The following CCDC172 variants were observed in gnomAD, a reference collection of about 807,000 sequenced individuals.
CCDC172 encodes the protein coiled-coil domain containing 172, also known as coiled-coil domain-containing protein 172.
In CCDC172, 30 loss-of-function variants were observed where a neutral mutation model predicts 38.0. The observed-to-expected ratio is 0.79, with a 90% CI of 0.59 to 1.07. CCDC172 has a LOEUF of 1.07. Among genes scored for constraint, CCDC172 ranks in the 50% least tolerant of loss-of-function variants. The pLI, the probability that CCDC172 is intolerant of heterozygous loss-of-function variation, is 0.00. For synonymous variants in CCDC172, 78 were observed against 88.3 expected, an observed-to-expected ratio of 0.88 and a Z score of 0.66; for missense variants, 297 against 290.1, an observed-to-expected ratio of 1.02 and a Z score of -0.17.
rs12254317 is a variant in CCDC172, at chr10:116,379,427, T to C, written c.*69T>C. 0.08 allele frequency: 82,574 copies of C among 1,035,244 alleles called. 4,673 individuals are homozygous for C. Among genetic ancestry groups the C allele is most frequent in the African/African-American group, 0.26 (16,343 of 61,714 alleles). 64.1% of individuals were successfully genotyped at this position (1,035,244 alleles called of 1,614,324 possible). ...CTGAGAATCAAATCTTTGTGATAGATATATGAATGGTACCCGTTACAACGG... is the reference window on the plus strand; with the variant it reads ...CTGAGAATCAAATCTTTGTGATAGACATATGAATGGTACCCGTTACAACGG... On this transcript the variant is annotated 3_prime_UTR_variant, in exon 9 of 9. Transcript: ENST00000333254.
rs1844997310 is a variant in CCDC172 at position 116,356,388 on chromosome 10, G to GAAGGAAGGAAGGAAGGA, written c.449-991_449-990insAGGAAGGAAGGAAGGAA. On this transcript the variant is annotated intron_variant, in intron 5 of 8. Coordinates refer to ENST00000333254, the MANE Select transcript of CCDC172 (RefSeq NM_198515.3). ...GAGGAGGAAGAAGAGGGGAGGGAGG[G>GAAGGAAGGAAGGAAGGA]AGGAAGGAAGGAAGGAAGGAAGGAA... Among the ~76,000 whole-genome samples the GAAGGAAGGAAGGAAGGA allele has an allele frequency of 3.5e-5, 5 of 144,054 alleles. No homozygotes were observed. The East Asian group carries it at 1.1e-3, about 32-fold the overall frequency. The allele number at this position is 144,054 out of a possible 152,430, so 94.5% of individuals were successfully genotyped here. A position where few individuals can be genotyped will look rare whatever the true frequency, so the allele number is the denominator to read the frequency against.
chr10:116,348,710 C>A (rs1844896173), intron 5 of CCDC172, among the ~76,000 whole-genome samples: 1 of 152,082 alleles, frequency 6.6e-6, no homozygotes, highest in South Asian at 2.1e-4. Flanking sequence ...GTTTTGCCAT[C>A]CCTGCAGCAT....
At chr10:116,379,199 T>A in intron 8 of CCDC172, 124 bp from the exon 9 acceptor site, 1 of 519,160 alleles carries the variant, frequency 1.9e-6, no homozygotes. Context: ...TTTATTTTTT[T>A]TTATAAAAAA....
intron 3 of CCDC172, among the ~76,000 whole-genome samples, chr10:116,326,940 A>G (rs2568921): frequency 0.25 from 38,689 of 152,192 alleles, 5,190 homozygotes; most frequent in East Asian, 0.39. Flanking sequence ...AGCTGGTGGT[A>G]TGGGCAAAAC....
intron 7 of CCDC172, among the ~76,000 whole-genome samples, chr10:116,359,841 A>G (rs1166164653): frequency 6.6e-6 from 1 of 152,176 alleles, no homozygotes; most frequent in Non-Finnish European, 1.5e-5. Context: ...AAATTCTTTT[A>G]TAACGATTAT....
At chr10:116,332,936 T>A (rs1387271349) in intron 3 of CCDC172, among the ~76,000 whole-genome samples, 1 of 152,166 alleles carries the variant, frequency 6.6e-6, no homozygotes, top group African/African-American at 2.4e-5. Context: ...TTAGTTTTAG[T>A]TATTTAATGC....
intron 5 of CCDC172, among the ~76,000 whole-genome samples, chr10:116,354,068 A>G (rs1051452772): frequency 6.6e-6 from 1 of 152,242 alleles, no homozygotes; most frequent in Non-Finnish European, 1.5e-5. Context: ...ATTTCAGTCT[A>G]TGAAAGACCA....
intron 5 of CCDC172, among the ~76,000 whole-genome samples, chr10:116,355,376 T>C (rs561340491): frequency 6.6e-6 from 1 of 152,332 alleles, no homozygotes; most frequent in South Asian, 2.1e-4. Flanking sequence ...CAATAGGCTA[T>C]ACAGTATAGC....
At chr10:116,354,323 A>C (rs1266244653) in intron 5 of CCDC172, among the ~76,000 whole-genome samples, 1 of 152,182 alleles carries the variant, frequency 6.6e-6, no homozygotes, top group Non-Finnish European at 1.5e-5. Flanking sequence ...TTTAGAGTAT[A>C]TTCCTCCTAC....
rs142625630 is a variant in CCDC172, at chr10:116,378,466, A to G, written c.697A>G (p.Ser233Gly). The change falls in exon 8 of 9, where the codon AGT (serine) becomes GGT (glycine). Residue 233 changes from serine (S) to glycine (G), a missense_variant. By Grantham distance (56) the Ser-to-Gly change is moderately conservative. Transcript: ENST00000333254. ...LELYKEDDME[S>G]VYEALQTEIE... ...ACTTTATAAGGAAGATGACATGGAA[A>G]GTGTTTATGAAGCTCTCCAAACAGA... 2 of 1,603,822 alleles carry G rather than the reference A, an allele frequency of 1.2e-6. No individual in the cohort carries two copies. Among genetic ancestry groups the G allele is most frequent in the African/African-American group, 1.3e-5 (1 of 74,366 alleles).
At chr10:116,327,975 T>C (rs1844611510) in intron 3 of CCDC172, among the ~76,000 whole-genome samples, 1 of 152,108 alleles carries the variant, frequency 6.6e-6, no homozygotes, top group Non-Finnish European at 1.5e-5. Flanking sequence ...TATCAAACAG[T>C]AGCAGCACAA....
chr10:116,337,192 C>T (rs994213075), intron 3 of CCDC172, among the ~76,000 whole-genome samples: 13 of 150,048 alleles, frequency 8.7e-5, no homozygotes, highest in Non-Finnish European at 1.9e-4. Flanking sequence ...TCACTCTCGT[C>T]ACCCAGGCTG....
At chr10:116,337,058 G>A (rs1844741239) in intron 3 of CCDC172, among the ~76,000 whole-genome samples, 1 of 150,962 alleles carries the variant, frequency 6.6e-6, no homozygotes, top group Non-Finnish European at 1.5e-5. Flanking sequence ...CTTTATTGCT[G>A]AGAGAAGCAG....
chr10:116,324,705 C>T, intron 1 of CCDC172, 92 bp downstream of exon 1: 1 of 305,020 alleles, frequency 3.3e-6, no homozygotes, highest in African/African-American at 2.2e-5. Flanking sequence ...GGGAAAAAGG[C>T]AGACCTTGAA....
At chr10:116,376,511 AACTT>A (rs1188734929) in intron 7 of CCDC172, among the ~76,000 whole-genome samples, 5 of 152,184 alleles carry the variant, frequency 3.3e-5, no homozygotes, top group Non-Finnish European at 4.4e-5. Context: ...AGAAATGGAA[AACTT>A]ACTTTTACTA....
chr10:116,343,840 T>G (rs1464693211), intron 5 of CCDC172, among the ~76,000 whole-genome samples: 1 of 152,188 alleles, frequency 6.6e-6, no homozygotes, highest in Non-Finnish European at 1.5e-5. Flanking sequence ...TTTGACTGAA[T>G]GGTTCTCTGA....
intron 3 of CCDC172, among the ~76,000 whole-genome samples, chr10:116,327,470 T>C (rs533916406): frequency 1.6e-4 from 25 of 152,144 alleles, no homozygotes; most frequent in Middle Eastern, 3.2e-3. Context: ...ATATTTTCTT[T>C]GTTAGCAAAG....
At chr10:116,343,779 C>G (rs1844830189) in intron 5 of CCDC172, among the ~76,000 whole-genome samples, 1 of 152,088 alleles carries the variant, frequency 6.6e-6, no homozygotes, top group Admixed American at 6.6e-5. Context: ...TATACTTTGG[C>G]CTTTTGCTAA....
chr10:116,347,266 GT>G, intron 5 of CCDC172, among the ~76,000 whole-genome samples: 1 of 152,180 alleles, frequency 6.6e-6, no homozygotes, highest in African/African-American at 2.4e-5. Flanking sequence ...ACGTTACTGA[GT>G]GGAGTTGACA....
Sources: allele counts gnomAD v4.1 joint callset (sites outside exome capture counted in the v4.1 genomes callset), GRCh38; gene constraint gnomAD v4.1.1; transcripts MANE v1.5; gene names NCBI Gene and HGNC (gene_info 2026-07-23, HGNC 2026-07-21).